Variants in AOX1 observed in about 807,000 individuals in gnomAD.
AOX1 encodes aldehyde oxidase 1, also known as aldehyde oxidase.
A neutral mutation model predicts 169.5 loss-of-function variants in AOX1; 153 were observed. The ratio of observed to expected loss-of-function variants is 0.90; its 90% CI spans 0.79 to 1.03. The LOEUF (loss-of-function observed/expected upper bound fraction) is 1.03, where lower values mean the gene tolerates loss of function less well. Ranked by LOEUF, AOX1 falls within the 50% of genes least tolerant of loss-of-function variation. AOX1 has a pLI of 0.00. For synonymous variants in AOX1, 562 were observed against 581.9 expected (o/e 0.97, Z 0.49); for missense variants, 1,656 against 1,663.9 (o/e 1.00, Z 0.08).
At chr2:200,658,997 T>C (rs972895615) in intron 27 of AOX1, among the ~76,000 whole-genome samples, 168 bp from the exon 28 acceptor site, 5 of 152,332 alleles carry the variant, frequency 3.3e-5, no homozygotes, top group African/African-American at 1.2e-4. Context: ...AGACTAGCTA[T>C]AGGATTTTTA....
chr2:200,636,966 G>A lies in AOX1; in HGVS notation c.2402G>A (p.Arg801Lys), dbSNP rs774045453. The A allele has an allele frequency of 5.0e-6, 8 of 1,614,118 alleles. No individual in the cohort carries two copies. In the Admixed American group the frequency reaches 1.0e-4, roughly 20 times the overall value. ...LPANKVMCHVRRVGGAFGGKV... is the reference protein window; with the variant it reads ...LPANKVMCHVKRVGGAFGGKV... ...GCTAACAAGGTCATGTGCCATGTAA[G>A]GCGTGTTGGTGGAGCGTTTGGAGGG... The change falls in exon 22 of 35, where the codon AGG becomes AAG. Residue 801 changes from arginine to lysine, a missense_variant. Transcript: ENST00000374700.
intron 26 of AOX1, among the ~76,000 whole-genome samples, chr2:200,655,291 G>C (rs111426504): frequency 0.013 from 2,019 of 152,254 alleles, 37 homozygotes; most frequent in African/African-American, 0.045. Flanking sequence ...CCATGGAATG[G>C]GGCCCAGGAG....
intron 32 of AOX1, 103 bp from the exon 33 acceptor site, chr2:200,668,512 A>T: frequency 1.9e-6 from 2 of 1,058,276 alleles, no homozygotes; most frequent in Non-Finnish European, 2.8e-6. Flanking sequence ...ATGCTCTTAA[A>T]CTGTAATTTT....
rs773027721 is a variant in AOX1 at position 200,669,746 on chromosome 2, C to T, written c.3966+4C>T. 30 of 1,608,468 alleles carry T rather than the reference C, an allele frequency of 1.9e-5. No homozygotes were observed. Among genetic ancestry groups the T allele is most frequent in the East Asian group, 2.2e-5 (1 of 44,784 alleles). ...TGAAGACAAGTTCACAAAAATGGTA[C>T]GTTTGCATGGTAGAAAAAAAATAGT... On this transcript the variant is annotated splice_donor_region_variant and intron_variant, in intron 34 of 34. Coordinates refer to ENST00000374700, the MANE Select transcript of AOX1 (RefSeq NM_001159.4).
intron 29 of AOX1, among the ~76,000 whole-genome samples, chr2:200,661,125 A>G (rs1024872031): frequency 1.3e-5 from 2 of 152,192 alleles, no homozygotes; most frequent in Non-Finnish European, 2.9e-5. Context: ...TAGCAAAATT[A>G]TTCCCCTCAC....
intron 4 of AOX1, among the ~76,000 whole-genome samples, chr2:200,599,097 G>A (rs2034348888): frequency 2.0e-5 from 3 of 152,146 alleles, no homozygotes; most frequent in African/African-American, 7.2e-5. Flanking sequence ...TTGAACCTTA[G>A]AAGTTAGACT....
In AOX1 at chr2:200,660,080, A is replaced by G; in HGVS notation, c.3375+11A>G. On this transcript the variant is annotated intron_variant, in intron 29 of 34. Transcript: ENST00000374700. ...ACTTGGAAAGACTGGGTGAGAATCA[A>G]TGGTTCTCTGTATTTTATTTTAGAA... The G allele has an allele frequency of 1.9e-6, 3 of 1,603,110 alleles. No individual in the cohort carries two copies. Among genetic ancestry groups the G allele is most frequent in the East Asian group, 2.2e-5 (1 of 44,826 alleles).
At chr2:200,675,747 C>T (rs534395299), downstream of AOX1, among the ~76,000 whole-genome samples, 1 of 152,142 alleles carries the variant, frequency 6.6e-6, no homozygotes, top group East Asian at 1.9e-4. Flanking sequence ...TGACAGCTTA[C>T]CTTCCTATGT....
In AOX1 at chr2:200,638,288, C is replaced by T. The variant is rs1559249691; in HGVS notation, c.2554C>T (p.Leu852Phe). The change falls in exon 23 of 35, where the codon CTT becomes TTT. Residue 852 changes from leucine to phenylalanine, a missense_variant. Transcript: ENST00000374700. ...AATAACTGGAGGCCGCCATCCTTACCTTGGAAAGTACAAAGTGAGTACAAG... is the reference window on the plus strand; with the variant it reads ...AATAACTGGAGGCCGCCATCCTTACTTTGGAAAGTACAAAGTGAGTACAAG... ...MLITGGRHPYLGKYKAGFMND... is the reference protein window; with the variant it reads ...MLITGGRHPYFGKYKAGFMND... The T allele has an allele frequency of 6.2e-7, 1 of 1,613,580 alleles. No homozygotes were observed. The highest frequency in any genetic ancestry group is 2.2e-5 in the East Asian group (1 of 44,870).
chr2:200,626,062 A>G (rs939580627), intron 19 of AOX1, among the ~76,000 whole-genome samples: 1 of 152,236 alleles, frequency 6.6e-6, no homozygotes, highest in Admixed American at 6.5e-5. Flanking sequence ...GGACCTATAC[A>G]GAGCTCACTG....
intron 10 of AOX1, among the ~76,000 whole-genome samples, chr2:200,607,639 A>G (rs1361867322): frequency 6.6e-6 from 1 of 152,206 alleles, no homozygotes; most frequent in Non-Finnish European, 1.5e-5. Flanking sequence ...AGGATTATAA[A>G]TCATTCCACT....
intron 20 of AOX1, among the ~76,000 whole-genome samples, chr2:200,629,281 A>G (rs1338156012): frequency 2.6e-5 from 4 of 152,226 alleles, no homozygotes; most frequent in Non-Finnish European, 5.9e-5. Flanking sequence ...CTGTTTTAAT[A>G]TTACATGGAT....
chr2:200,600,970 T>TTTA (rs1214377989), intron 5 of AOX1, among the ~76,000 whole-genome samples: 2 of 152,030 alleles, frequency 1.3e-5, no homozygotes, highest in African/African-American at 4.8e-5. Context: ...GGCCTGATGA[T>TTTA]TTATTATAAA....
chr2:200,614,055 G>C lies in AOX1; in HGVS notation c.1611+89G>C, dbSNP rs555232395. 453 of 1,253,738 alleles carry C rather than the reference G, an allele frequency of 3.6e-4. 4 individuals carry two copies. The South Asian group carries it at 6.1e-3, about 17-fold the overall frequency. 77.7% of individuals were successfully genotyped at this position (1,253,738 alleles called of 1,614,324 possible). On this transcript the variant is annotated intron_variant, in intron 15 of 34. Transcript: ENST00000374700. ...GGCAATGACTCCCTACCAAATAGCT[G>C]TAGAATAAAAAAGACAATCCACATT... is the stretch of plus-strand genomic sequence containing the variant.
chr2:200,613,876 G>T lies in AOX1; in HGVS notation c.1521G>T (p.Ala507=), dbSNP rs200716526. ...ATGAAGTCTCCCTTTTGGGCTCGGCGCCAGGTGGGAAAGTGGAGTTCAAGA... is the reference window on the plus strand; with the variant it reads ...ATGAAGTCTCCCTTTTGGGCTCGGCTCCAGGTGGGAAAGTGGAGTTCAAGA... ...ILNEVSLLGS[A]PGGKVEFKRT... The change falls in exon 15 of 35, where the codon GCG becomes GCT. Residue 507 remains alanine (A), a synonymous_variant. Coordinates refer to ENST00000374700, the MANE Select transcript of AOX1 (RefSeq NM_001159.4). 6 of 1,612,694 alleles carry T rather than the reference G, an allele frequency of 3.7e-6. No individual in the cohort carries two copies. In the African/African-American group the frequency reaches 5.3e-5, roughly 14 times the overall value.
intron 17 of AOX1, 38 bp from the exon 18 acceptor site, chr2:200,621,082 T>C: frequency 1.3e-6 from 2 of 1,584,450 alleles, no homozygotes; most frequent in Non-Finnish European, 1.7e-6. Context: ...TTGGCCTCTA[T>C]GGCCACTCTA....
At chr2:200,653,248 C>T (rs1368163846) in intron 26 of AOX1, among the ~76,000 whole-genome samples, 1 of 152,180 alleles carries the variant, frequency 6.6e-6, no homozygotes, top group East Asian at 1.9e-4. Flanking sequence ...TGAAGGCCAC[C>T]TGGGAAACTG....
chr2:200,594,200 G>C (rs953520474), intron 2 of AOX1, among the ~76,000 whole-genome samples: 1 of 152,168 alleles, frequency 6.6e-6, no homozygotes, highest in African/African-American at 2.4e-5. Context: ...TAGACTGCTG[G>C]TCAGTCTAAG....
intron 27 of AOX1, among the ~76,000 whole-genome samples, chr2:200,657,191 T>TATATATATATATATATATATTTTC (rs1491522418): frequency 2.2e-5 from 1 of 45,506 alleles, no homozygotes; most frequent in African/African-American, 8.4e-5. Context: ...TATATATATA[T>TATATATATATATATATATATTTTC]TTTTTTTTTT....
Sources: allele counts gnomAD v4.1 joint callset (sites outside exome capture counted in the v4.1 genomes callset), GRCh38; gene constraint gnomAD v4.1.1; transcripts MANE v1.5; gene names NCBI Gene and HGNC (gene_info 2026-07-23, HGNC 2026-07-21).